ZNF787: variants seen among roughly 807,000 people sequenced by gnomAD.
The protein encoded by ZNF787 is zinc finger protein 787, also known as TTF-I-interacting peptide 20.
Under a neutral mutation model 16.9 loss-of-function variants are expected in ZNF787, and 7 were observed. The observed-to-expected ratio is 0.42, with a 90% CI of 0.24 to 0.78. The LOEUF (loss-of-function observed/expected upper bound fraction) is 0.78, where lower values mean the gene tolerates loss of function less well. ZNF787 is among the 30% of genes least tolerant of loss of function. The pLI, the probability that ZNF787 is intolerant of heterozygous loss-of-function variation, is 0.30. For synonymous variants in ZNF787, 345 were observed against 270.9 expected (o/e 1.27, Z -2.69); for missense variants, 551 against 589.3 (o/e 0.94, Z 0.67).
At chr19:56,108,641 G>C (rs949294792) in intron 1 of ZNF787, among the ~76,000 whole-genome samples, 1 of 151,994 alleles carries the variant, frequency 6.6e-6, no homozygotes, top group African/African-American at 2.4e-5. Context: ...CTAGCACCCA[G>C]GGCAGCGCCA....
chr19:56,105,163 A>T (rs1407538772), intron 1 of ZNF787, among the ~76,000 whole-genome samples: 1 of 147,690 alleles, frequency 6.8e-6, no homozygotes, highest in Non-Finnish European at 1.5e-5. Flanking sequence ...AATAATAAAA[A>T]AATAAAATGA....
At position 56,087,905 on chromosome 19, in the gene ZNF787, G is replaced by A. The variant is rs1985360160; in HGVS notation, c.*118C>T. 3.1e-6 allele frequency: 4 copies of A among 1,273,112 alleles called. No homozygotes were observed. Among genetic ancestry groups the A allele is most frequent in the East Asian group, 7.1e-5 (2 of 28,064 alleles). 78.9% of individuals were successfully genotyped at this position (1,273,112 alleles called of 1,614,324 possible). On this transcript the variant is annotated 3_prime_UTR_variant, in exon 3 of 3. Coordinates refer to ENST00000610935, the MANE Select transcript of ZNF787 (RefSeq NM_001002836.4). Reference sequence around the variant, plus strand: ...AGGGACAGAGGAGGGCGGGGAGCCGGGGATGCCGCGGGGTCCATCGCACCC... The same window carrying A: ...AGGGACAGAGGAGGGCGGGGAGCCGAGGATGCCGCGGGGTCCATCGCACCC...
intron 2 of ZNF787, among the ~76,000 whole-genome samples, chr19:56,100,162 C>A (rs1986038436): frequency 6.6e-6 from 1 of 152,186 alleles, no homozygotes; most frequent in African/African-American, 2.4e-5. Flanking sequence ...CGGCATCTAC[C>A]CCAAGGCCTC....
At chr19:56,106,588 T>A (rs1183414813) in intron 1 of ZNF787, among the ~76,000 whole-genome samples, 9 of 152,324 alleles carry the variant, frequency 5.9e-5, no homozygotes, top group African/African-American at 2.2e-4. Context: ...CCCCAGTTCC[T>A]GGTGTGACCT....
At chr19:56,093,841 A>AACC (rs1405084373) in intron 2 of ZNF787, among the ~76,000 whole-genome samples, 1 of 152,204 alleles carries the variant, frequency 6.6e-6, no homozygotes, top group African/African-American at 2.4e-5. Context: ...ATTCTAACGC[A>AACC]ACCATCTGTG....
rs1181025426 is a variant in ZNF787 at position 56,087,976 on chromosome 19, C to T, written c.*47G>A. 1.5e-6 allele frequency: 2 copies of T among 1,302,482 alleles called. No homozygotes were observed. The highest frequency in any genetic ancestry group is 2.0e-5 in the South Asian group (1 of 50,186). The allele number at this position is 1,302,482 out of a possible 1,614,324, so 80.7% of individuals were successfully genotyped here. ...TCTTGGTCTTGCACGTCGTCGCTCCCGCCAAGCCCGAGGGGCCCTGCCCGC... is the reference window on the plus strand; with the variant it reads ...TCTTGGTCTTGCACGTCGTCGCTCCTGCCAAGCCCGAGGGGCCCTGCCCGC... On this transcript the variant is annotated 3_prime_UTR_variant, in exon 3 of 3. Transcript: ENST00000610935.
intron 2 of ZNF787, among the ~76,000 whole-genome samples, chr19:56,091,258 T>C (rs1985563258): frequency 6.6e-6 from 1 of 152,238 alleles, no homozygotes; most frequent in African/African-American, 2.4e-5. Flanking sequence ...CAAGTGCTTC[T>C]ACGCCTTTAA....
At chr19:56,105,075 G>A (rs492078) in intron 1 of ZNF787, among the ~76,000 whole-genome samples, 137,249 of 152,028 alleles carry the variant, frequency 0.9, 62,743 homozygotes, top group Non-Finnish European at 0.99. Flanking sequence ...TTGCAGTGAG[G>A]AGAGATCACA....
At chr19:56,106,870 C>CCT (rs1986344108) in intron 1 of ZNF787, among the ~76,000 whole-genome samples, 1 of 78,534 alleles carries the variant, frequency 1.3e-5, no homozygotes, top group Admixed American at 1.1e-4. Flanking sequence ...GCACCACACA[C>CCT]CTCCTTGGCA....
chr19:56,111,396 C>A (rs2029975523), intron 1 of ZNF787, among the ~76,000 whole-genome samples: 1 of 152,122 alleles, frequency 6.6e-6, no homozygotes, highest in African/African-American at 2.4e-5. Flanking sequence ...AAGTGGGGTC[C>A]AAGGGCACAA....
At chr19:56,111,866 A>G (rs1364588646) in intron 1 of ZNF787, among the ~76,000 whole-genome samples, 1 of 152,164 alleles carries the variant, frequency 6.6e-6, no homozygotes, top group African/African-American at 2.4e-5. Context: ...GCTGAGCCTC[A>G]GCTGCCTCCT....
chr19:56,110,137 G>A (rs1006840887), intron 1 of ZNF787, among the ~76,000 whole-genome samples: 7 of 152,194 alleles, frequency 4.6e-5, no homozygotes, highest in Admixed American at 1.3e-4. Flanking sequence ...CAAGGCAGGC[G>A]GATCACGAGG....
chr19:56,105,250 G>C (rs1477189382), intron 1 of ZNF787, among the ~76,000 whole-genome samples: 4 of 152,262 alleles, frequency 2.6e-5, no homozygotes, highest in African/African-American at 7.2e-5. Context: ...CCCTCGCACA[G>C]ATCAGGGAAG....
At chr19:56,098,615 G>C (rs1985964288) in intron 2 of ZNF787, among the ~76,000 whole-genome samples, 3 of 139,280 alleles carry the variant, frequency 2.2e-5, no homozygotes, top group Non-Finnish European at 3.0e-5. Context: ...ATGCCGCCCG[G>C]GTGATTACGG....
chr19:56,092,050 C>CCGAAGCCGAAGCCGAAGCCGA (rs1568523636), intron 2 of ZNF787, among the ~76,000 whole-genome samples: 14 of 137,792 alleles, frequency 1.0e-4, no homozygotes, highest in African/African-American at 3.9e-4. Context: ...GCCGAAGCCT[C>CCGAAGCCGAAGCCGAAGCCGA]ACCCTCACCC....
In ZNF787 at chr19:56,088,401, T is replaced by TGCCGCG. The variant is rs943610967; in HGVS notation, c.765_770dup (p.Ala257_Ala258dup). The TGCCGCG allele has an allele frequency of 2.3e-5, 26 of 1,107,100 alleles. No homozygotes were observed. Among genetic ancestry groups the TGCCGCG allele is most frequent in the East Asian group, 2.1e-4 (4 of 19,052 alleles). 68.6% of individuals were successfully genotyped at this position (1,107,100 alleles called of 1,614,324 possible). On this transcript the variant is annotated inframe_insertion, in exon 3 of 3. Coordinates refer to ENST00000610935, the MANE Select transcript of ZNF787 (RefSeq NM_001002836.4). This position sits in a 1 kb window ranked among gnomAD's most constrained non-coding sequence, Gnocchi z 8.6. ...CCTTTGCCCCCGCGCCCGCCATGGC[T>TGCCGCG]GCCGCGGCCGCGGCCCCCTCGCCCG... is the stretch of plus-strand genomic sequence containing the variant.
chr19:56,103,311 AC>A, intron 1 of ZNF787, 84 bp from the exon 2 acceptor site: 3 of 1,240,632 alleles, frequency 2.4e-6, no homozygotes, highest in Non-Finnish European at 3.3e-6. Flanking sequence ...CAGCCTGCAG[AC>A]CCCGGCGTGA....
intron 1 of ZNF787, chr19:56,105,614 G>C (rs1394792781): frequency 6.6e-6 from 1 of 151,766 alleles, no homozygotes; most frequent in African/African-American, 2.4e-5. Context: ...AGCTTCTCGG[G>C]GGAAGCCTCC....
chr19:56,113,277 G>C (rs1438992564), intron 1 of ZNF787, among the ~76,000 whole-genome samples: 1 of 152,136 alleles, frequency 6.6e-6, no homozygotes, highest in Non-Finnish European at 1.5e-5. Flanking sequence ...GACCCCCATT[G>C]CTGGTGCGGG....
Sources: allele counts gnomAD v4.1 joint callset (sites outside exome capture counted in the v4.1 genomes callset), GRCh38; gene constraint gnomAD v4.1.1; non-coding constraint Gnocchi (gnomAD v3.1); transcripts MANE v1.5; gene names NCBI Gene and HGNC (gene_info 2026-07-23, HGNC 2026-07-21).